The following BNIP3L variants were observed in gnomAD, a reference collection of about 807,000 sequenced individuals.
BNIP3L encodes the protein BCL2 interacting protein 3 like.
BNIP3L carries 10 observed loss-of-function variants against 25.5 expected under a neutral mutation model. The ratio of observed to expected loss-of-function variants is 0.39; its 90% CI spans 0.24 to 0.67. The LOEUF (loss-of-function observed/expected upper bound fraction) is 0.67, where lower values mean the gene tolerates loss of function less well. Ranked by LOEUF, BNIP3L falls within the 30% of genes least tolerant of loss-of-function variation. BNIP3L has a pLI of 0.45. For synonymous variants in BNIP3L, 113 were observed against 101.2 expected (o/e 1.12, Z -0.70); for missense variants, 215 against 270.9 (o/e 0.79, Z 1.45).
intron 5 of BNIP3L, 115 bp from the exon 6 acceptor site, chr8:26,410,249 A>C (rs1354720929): frequency 8.2e-7 from 1 of 1,224,540 alleles, no homozygotes; most frequent in African/African-American, 1.5e-5. Flanking sequence ...CGGTACCCAC[A>C]AACCTTTAGA....
At chr8:26,383,483 CGCGGATCCCCCTGGTGCGGGGGGT>C in intron 1 of BNIP3L, 3 of 1,191,410 alleles carry the variant, frequency 2.5e-6, no homozygotes, top group Non-Finnish European at 2.1e-6. Context: ...GCGCGGGTAG[CGCGGATCCCCCTGGTGCGGGGGGT>C]GGTCCCCAGC....
chr8:26,393,397 C>G (rs1430520814), intron 2 of BNIP3L, among the ~76,000 whole-genome samples: 1 of 146,480 alleles, frequency 6.8e-6, no homozygotes, highest in East Asian at 2.0e-4. Flanking sequence ...TGACGGCACA[C>G]TAGATTCACC....
rs751676502 is a variant in BNIP3L at position 26,391,291 on chromosome 8, G to A, written c.149G>A (p.Gly50Asp). The change falls in exon 2 of 6, where the codon GGC (glycine) becomes GAC (aspartate). Residue 50 changes from glycine (G) to aspartate (D), a missense_variant. Transcript: ENST00000380629. ...PMNSSNGNDN[G>D]NGKNGGLEHV... ...AACAGCAGCAATGGCAATGATAATGGCAATGGGAAAAATGGGGGGCTGGAA... is the reference window on the plus strand; with the variant it reads ...AACAGCAGCAATGGCAATGATAATGACAATGGGAAAAATGGGGGGCTGGAA... 2 of 1,612,152 alleles carry A rather than the reference G, an allele frequency of 1.2e-6. No individual in the cohort carries two copies. Among genetic ancestry groups the A allele is most frequent in the African/African-American group, 2.7e-5 (2 of 74,812 alleles).
At chr8:26,393,782 T>C (rs1045286689) in intron 2 of BNIP3L, among the ~76,000 whole-genome samples, 9 of 152,070 alleles carry the variant, frequency 5.9e-5, no homozygotes, top group African/African-American at 2.2e-4. Context: ...CCAGTTCGGG[T>C]TGACTCCTGT....
Position 26,412,895 on chromosome 8 carries a change from G to C in BNIP3L, c.*2483G>C. On this transcript the variant is annotated 3_prime_UTR_variant, in exon 6 of 6. Transcript: ENST00000380629. The stretch of plus-strand genomic sequence containing the variant: ...ACATTGGAAAGTGCAACAAGTTCCC[G>C]TGATTGCAGTAAAAATATTTACTAT... 1 of 152,570 alleles carries C rather than the reference G, an allele frequency of 6.6e-6. No homozygotes were observed. Among genetic ancestry groups the C allele is most frequent in the East Asian group, 1.9e-4 (1 of 5,188 alleles). The allele number at this position is 152,570 out of a possible 1,614,324, so 9.5% of individuals were successfully genotyped here. A position where few individuals can be genotyped will look rare whatever the true frequency, so the allele number is the denominator to read the frequency against.
intron 3 of BNIP3L, among the ~76,000 whole-genome samples, chr8:26,402,932 A>T (rs1806421589): frequency 6.6e-6 from 1 of 152,192 alleles, no homozygotes. Flanking sequence ...GCAGATGTGC[A>T]ATCAGGCTTA....
chr8:26,407,653 C>T (rs993761226), intron 3 of BNIP3L, among the ~76,000 whole-genome samples: 3 of 152,138 alleles, frequency 2.0e-5, no homozygotes, highest in African/African-American at 7.2e-5. Flanking sequence ...TAAGTGCATA[C>T]AAGAGAGAAT....
chr8:26,407,150 T>A (rs1431081767), intron 3 of BNIP3L, among the ~76,000 whole-genome samples: 5 of 151,360 alleles, frequency 3.3e-5, no homozygotes, highest in African/African-American at 1.2e-4. Flanking sequence ...GGATTACAGG[T>A]GCCCGCCACC....
In BNIP3L at chr8:26,410,350, C is replaced by A. The variant is rs759477104; in HGVS notation, c.612-14C>A. The A allele has an allele frequency of 4.2e-5, 67 of 1,613,948 alleles. No individual in the cohort carries two copies. Among genetic ancestry groups the A allele is most frequent in the Non-Finnish European group, 5.5e-5 (65 of 1,179,944 alleles). ...TTGAAACAGGTGAAACATGATGCTT[C>A]TGCTTCCTTTCAGCATCTATATTGG... On this transcript the variant is annotated splice_polypyrimidine_tract_variant and intron_variant, in intron 5 of 5. Transcript: ENST00000380629.
At chr8:26,383,304 C>T (rs2117457662) in intron 1 of BNIP3L, 74 bp downstream of exon 1, 3 of 1,543,180 alleles carry the variant, frequency 1.9e-6, no homozygotes, top group East Asian at 4.8e-5. Context: ...ACCGGCGCGG[C>T]GCGGGAGGCG....
intron 3 of BNIP3L, among the ~76,000 whole-genome samples, chr8:26,402,660 C>G (rs527358570): frequency 6.6e-6 from 1 of 152,288 alleles, no homozygotes; most frequent in East Asian, 1.9e-4. Flanking sequence ...CATGGTGGCA[C>G]TTGCCTGTAG....
intron 3 of BNIP3L, among the ~76,000 whole-genome samples, chr8:26,405,642 C>T (rs559178707): frequency 1.8e-4 from 28 of 152,296 alleles, no homozygotes; most frequent in Non-Finnish European, 3.8e-4. Flanking sequence ...AAAAGAATGA[C>T]AGCTTTGGTC....
chr8:26,409,654 C>G (rs998808848), intron 5 of BNIP3L, among the ~76,000 whole-genome samples: 1 of 152,140 alleles, frequency 6.6e-6, no homozygotes, highest in Non-Finnish European at 1.5e-5. Context: ...TGCCCTTAAG[C>G]GATTGGTGTC....
intron 1 of BNIP3L, among the ~76,000 whole-genome samples, chr8:26,383,897 A>AT (rs35370895): frequency 2.6e-4 from 39 of 149,226 alleles, no homozygotes; most frequent in East Asian, 3.9e-4. Context: ...TGCCCAAGTG[A>AT]TTTTTTTTTT....
chr8:26,401,634 A>C (rs1806385482), intron 3 of BNIP3L, among the ~76,000 whole-genome samples: 1 of 151,774 alleles, frequency 6.6e-6, no homozygotes, highest in Non-Finnish European at 1.5e-5. Context: ...ACCACAGAAT[A>C]AATGAAGATG....
intron 5 of BNIP3L, 131 bp from the exon 6 acceptor site, chr8:26,410,233 G>T: frequency 1.1e-6 from 1 of 938,912 alleles, no homozygotes. Context: ...CACGGTGTTT[G>T]GGGAGCGGTA....
intron 1 of BNIP3L, 132 bp downstream of exon 1, chr8:26,383,362 T>G: frequency 6.8e-7 from 1 of 1,468,382 alleles, no homozygotes; most frequent in Non-Finnish European, 9.0e-7. Flanking sequence ...TCCAGGTGAC[T>G]GACAGCTCCC....
At chr8:26,391,212 CT>C in intron 1 of BNIP3L, 30 bp from the exon 2 acceptor site, 1 of 1,543,830 alleles carries the variant, frequency 6.5e-7, no homozygotes, top group Non-Finnish European at 8.8e-7. Flanking sequence ...TTCAGTTCTG[CT>C]GTGGTTAACT....
rs150951738 is a variant in BNIP3L, at chr8:26,391,403, C to A, written c.261C>A (p.Ser87=). Residue 87 remains serine (S), a synonymous_variant, in exon 2 of 6, where the codon TCC becomes TCA. Transcript: ENST00000380629. ...AACATGAATCAGGACAGAGTAGTTC[C>A]AGAGGCAGTTCTCACTGTGACAGGT... The part of the protein sequence containing the change: ...DAQHESGQSS[S]RGSSHCDSPS... 1,710 of 1,562,670 alleles carry A rather than the reference C, an allele frequency of 1.1e-3. 5 individuals carry two copies. Among genetic ancestry groups the A allele is most frequent in the Admixed American group, 3.2e-3 (169 of 53,514 alleles).
Sources: gnomAD v4.1 joint callset for allele counts (sites outside exome capture counted in the v4.1 genomes callset) on GRCh38, gnomAD v4.1.1 for gene constraint, MANE v1.5 for transcripts, NCBI Gene and HGNC (gene_info 2026-07-23, HGNC 2026-07-21) for gene names.